Variants in SEMA5A observed in about 807,000 individuals in gnomAD.
The protein encoded by SEMA5A is semaphorin-5A.
SEMA5A carries 55 observed loss-of-function variants against 135.5 expected under a neutral mutation model. The ratio of observed to expected loss-of-function variants is 0.41; its 90% CI spans 0.33 to 0.51. The LOEUF is 0.51. Ranked by LOEUF, SEMA5A falls within the 20% of genes least tolerant of loss-of-function variation. The pLI is 0.37. For synonymous variants in SEMA5A, 580 were observed against 546.5 expected, an observed-to-expected ratio of 1.06 and a Z score of -0.85; for missense variants, 1,290 against 1,419.9, an observed-to-expected ratio of 0.91 and a Z score of 1.47.
At chr5:9,365,277 C>T (rs1229436972) in intron 3 of SEMA5A, among the ~76,000 whole-genome samples, 1 of 152,062 alleles carries the variant, frequency 6.6e-6, no homozygotes. Context: ...TGTAAAATTT[C>T]AGGGGATCAA....
chr5:9,393,795 T>C (rs1421097115), intron 2 of SEMA5A, among the ~76,000 whole-genome samples: 1 of 152,144 alleles, frequency 6.6e-6, no homozygotes, highest in African/African-American at 2.4e-5. Flanking sequence ...GCCTTAGCCT[T>C]AGGAAAATTC....
At chr5:9,043,741 G>A (rs919765017) in intron 22 of SEMA5A, among the ~76,000 whole-genome samples, 2 of 152,194 alleles carry the variant, frequency 1.3e-5, no homozygotes, top group South Asian at 2.1e-4. Context: ...TACCTTCAAC[G>A]TCCTTTATCT....
At position 9,353,241 on chromosome 5, in the gene SEMA5A, AAAGGG is replaced by A. The variant is rs149895165; in HGVS notation, c.125-15434_125-15430del. 1.6e-3 allele frequency among the ~76,000 whole-genome samples: 155 copies of A among 95,198 alleles called. 5 individuals are homozygous for A. The highest frequency in any genetic ancestry group is 5.0e-3 in the African/African-American group (117 of 23,216). 62.5% of individuals were successfully genotyped at this position (95,198 alleles called of 152,430 possible). A position where few individuals can be genotyped will look rare whatever the true frequency, so the allele number is the denominator to read the frequency against. On this transcript the variant is annotated intron_variant, in intron 3 of 22. Transcript: ENST00000382496. ...GAAAGGAAAGGAAAGGAAAGGAAGG[AAAGGG>A]AAGGGAAGGGAAGGGAAGCAAAGGA...
At chr5:9,428,747 G>A (rs764711002) in intron 2 of SEMA5A, among the ~76,000 whole-genome samples, 3 of 152,122 alleles carry the variant, frequency 2.0e-5, no homozygotes, top group African/African-American at 7.2e-5. Flanking sequence ...TTTAATTATT[G>A]TAAAATTATG....
chr5:9,183,745 C>A (rs1744654136), intron 11 of SEMA5A, among the ~76,000 whole-genome samples: 1 of 152,238 alleles, frequency 6.6e-6, no homozygotes, highest in Non-Finnish European at 1.5e-5. Context: ...GGGTCCCCAA[C>A]ACCTCACTTG....
At chr5:9,297,106 G>A (rs1234215709) in intron 5 of SEMA5A, among the ~76,000 whole-genome samples, 2 of 151,534 alleles carry the variant, frequency 1.3e-5, no homozygotes, top group African/African-American at 4.9e-5. Context: ...GGTCACCCAA[G>A]AAAATGCAAT....
At chr5:9,365,368 C>A (rs1561189877) in intron 3 of SEMA5A, among the ~76,000 whole-genome samples, 1 of 152,080 alleles carries the variant, frequency 6.6e-6, no homozygotes, top group Non-Finnish European at 1.5e-5. Context: ...CCAGGAGGAG[C>A]AAACCATCAA....
intron 1 of SEMA5A, among the ~76,000 whole-genome samples, chr5:9,521,244 T>C (rs1404018579): frequency 1.3e-5 from 2 of 152,136 alleles, no homozygotes; most frequent in Non-Finnish European, 2.9e-5. Context: ...ACCCCATCTC[T>C]ACTAAAATTT....
At chr5:9,481,443 C>G (rs528051539) in intron 1 of SEMA5A, among the ~76,000 whole-genome samples, 1 of 152,084 alleles carries the variant, frequency 6.6e-6, no homozygotes, top group Non-Finnish European at 1.5e-5. Flanking sequence ...CAACTCAAAG[C>G]CCTACAGACT....
intron 14 of SEMA5A, 119 bp from the exon 15 acceptor site, chr5:9,119,260 A>G (rs1179608660): frequency 8.1e-7 from 1 of 1,227,928 alleles, no homozygotes; most frequent in Non-Finnish European, 1.1e-6. Flanking sequence ...GCTGCTCAGG[A>G]GAGAAAACAC....
chr5:9,195,980 C>G lies in SEMA5A; in HGVS notation c.1068+1188G>C, dbSNP rs567511298. ...TACTTATCAGCTGTGTGGCCCTGGC[C>G]AGGTGATCTGCCCCAGGCCCACTGT... is the stretch of plus-strand genomic sequence containing the variant. On this transcript the variant is annotated intron_variant, in intron 10 of 22. Transcript: ENST00000382496. Among the ~76,000 whole-genome samples, 5 of 152,358 alleles carry G rather than the reference C, an allele frequency of 3.3e-5. No individual in the cohort carries two copies. The East Asian group carries it at 9.7e-4, about 29-fold the overall frequency.
intron 11 of SEMA5A, among the ~76,000 whole-genome samples, chr5:9,184,012 C>A (rs1411251824): frequency 2.0e-5 from 3 of 152,138 alleles, no homozygotes; most frequent in South Asian, 2.1e-4. Context: ...CTTTCTCAAA[C>A]CTTCTCTCAT....
chr5:9,391,735 T>A (rs1461787575), intron 2 of SEMA5A, among the ~76,000 whole-genome samples: 3 of 152,226 alleles, frequency 2.0e-5, no homozygotes, highest in Non-Finnish European at 4.4e-5. Context: ...TGTGCCTTGG[T>A]GTTTTTCATT....
chr5:9,168,113 A>T (rs1743712587), intron 11 of SEMA5A, among the ~76,000 whole-genome samples: 1 of 152,056 alleles, frequency 6.6e-6, no homozygotes, highest in Non-Finnish European at 1.5e-5. Flanking sequence ...AGCTGAAGTG[A>T]GATGGAGTGG....
intron 8 of SEMA5A, among the ~76,000 whole-genome samples, chr5:9,221,214 C>T (rs922158441): frequency 4.6e-5 from 7 of 151,688 alleles, no homozygotes; most frequent in African/African-American, 7.3e-5. Context: ...TTCTTGGACA[C>T]GGCAGAACTA....
At chr5:9,353,354 GAAGGAAAGGAAAGGAAAGGA>G (rs1165303205) in intron 3 of SEMA5A, among the ~76,000 whole-genome samples, 28 of 54,408 alleles carry the variant, frequency 5.1e-4, no homozygotes, top group African/African-American at 8.1e-4. Flanking sequence ...AAAGGAAAGG[GAAGGAAAGGAAAGGAAAGGA>G]AAGGAAAGGA....
intron 1 of SEMA5A, among the ~76,000 whole-genome samples, chr5:9,447,958 A>T (rs536648498): frequency 6.6e-6 from 1 of 152,212 alleles, no homozygotes; most frequent in East Asian, 1.9e-4. Flanking sequence ...CTCTCTGCCC[A>T]CTCTACAGCC....
intron 5 of SEMA5A, among the ~76,000 whole-genome samples, chr5:9,277,591 T>C (rs1410623246): frequency 6.6e-6 from 1 of 151,998 alleles, no homozygotes; most frequent in Non-Finnish European, 1.5e-5. Context: ...ATAGACTGGA[T>C]AAAGAAAATG....
chr5:9,295,571 A>T (rs548378296), intron 5 of SEMA5A, among the ~76,000 whole-genome samples: 129 of 151,884 alleles, frequency 8.5e-4, no homozygotes, highest in Non-Finnish European at 1.5e-3. Flanking sequence ...AGGATTTTCT[A>T]CTCTTCAGAG....
Sources: gnomAD v4.1 joint callset for allele counts (sites outside exome capture counted in the v4.1 genomes callset) on GRCh38, gnomAD v4.1.1 for gene constraint, MANE v1.5 for transcripts, NCBI Gene and HGNC (gene_info 2026-07-23, HGNC 2026-07-21) for gene names.